Variants in MIDN observed in about 807,000 individuals in gnomAD.
MIDN encodes midbrain nucleolar protein.
MIDN carries 26 observed loss-of-function variants against 46.1 expected under a neutral mutation model. The observed-to-expected ratio is 0.56, with a 90% CI of 0.41 to 0.78. The LOEUF is 0.78. Among genes scored for constraint, MIDN ranks in the 30% least tolerant of loss-of-function variants. The probability of loss-of-function intolerance (pLI) is 0.00; values close to 1 mark genes in which losing one functional copy is unlikely to be tolerated. For missense variants in MIDN, 850 were observed against 771.8 expected (o/e 1.10, Z -1.20); for synonymous variants, 432 against 343.3 (o/e 1.26, Z -2.86).
chr19:1,251,678 A>C, intron 3 of MIDN, 29 bp downstream of exon 3: 1 of 1,589,892 alleles, frequency 6.3e-7, no homozygotes, highest in Non-Finnish European at 8.6e-7. Flanking sequence ...GCGTGCCCCC[A>C]GAGGCCCCCG....
chr19:1,258,393 T>C lies in MIDN; in HGVS notation c.*1121T>C, dbSNP rs1599996901. The C allele has an allele frequency of 6.6e-6, 1 of 152,458 alleles. No individual in the cohort carries two copies. The highest frequency in any genetic ancestry group is 1.5e-5 in the Non-Finnish European group (1 of 68,010). 9.4% of individuals were successfully genotyped at this position (152,458 alleles called of 1,614,324 possible). ...CCCCCGTGGCGGGGTCCGCTGCTGG[T>C]CTAATTTGGACCCCCTGCCTCTCAG... On this transcript the variant is annotated 3_prime_UTR_variant, in exon 9 of 9. Transcript: ENST00000682408.
chr19:1,250,282 C>T lies in MIDN; in HGVS notation c.-15C>T. On this transcript the variant is annotated 5_prime_UTR_variant, in exon 2 of 9. Transcript: ENST00000682408. ...GCGGCGCCCGCCGCCCCCAGCCCCC[C>T]AGCGCGCGCCGGGGATGGAGCCGCA... The T allele has an allele frequency of 2.1e-6, 2 of 965,642 alleles. No individual in the cohort carries two copies. Among genetic ancestry groups the T allele is most frequent in the Non-Finnish European group, 2.5e-6 (2 of 812,802 alleles). 59.8% of individuals were successfully genotyped at this position (965,642 alleles called of 1,614,324 possible). A position where few individuals can be genotyped will look rare whatever the true frequency, so the allele number is the denominator to read the frequency against.
At chr19:1,252,925 AGT>A (rs2081149917) in intron 4 of MIDN, among the ~76,000 whole-genome samples, 1 of 150,670 alleles carries the variant, frequency 6.6e-6, no homozygotes, top group South Asian at 2.1e-4. Context: ...TCCTGGGGCG[AGT>A]GTGAGCAGAG....
chr19:1,254,973 C>T lies in MIDN; in HGVS notation c.897C>T (p.Ala299=), dbSNP rs765596090. 9.9e-6 allele frequency: 16 copies of T among 1,612,938 alleles called. No homozygotes were observed. In the Admixed American group the frequency reaches 1.7e-4, roughly 17 times the overall value. ...CCAGCACCACGTCTACCCCAGGGGC[C>T]AGCCCTGCCCCCCGCTCCCGAAAAC... is the stretch of plus-strand genomic sequence containing the variant. ...PGASTTSTPG[A]SPAPRSRKPG... is the part of the protein sequence containing the mutation. The change falls in exon 7 of 9, where the codon GCC becomes GCT. Residue 299 remains alanine (A), a synonymous_variant. Coordinates refer to ENST00000682408, the MANE Select transcript of MIDN (RefSeq NM_001388306.1).
chr19:1,250,619 G>T (rs893525328), intron 2 of MIDN, 90 bp downstream of exon 2: 80 of 689,018 alleles, frequency 1.2e-4, no homozygotes, highest in Non-Finnish European at 1.4e-4. Flanking sequence ...AAGGCAGGGG[G>T]CGGCCAGACA....
In MIDN at chr19:1,255,028, C is replaced by T. The variant is rs560928353; in HGVS notation, c.952C>T (p.His318Tyr). The T allele has an allele frequency of 6.2e-7, 1 of 1,613,340 alleles. No homozygotes were observed. The highest frequency in any genetic ancestry group is 1.7e-5 in the Admixed American group (1 of 60,010). ...CGCCGTCATCGAGAGCTTTGTGAATCACGCCCCGGGGGTCTTCTCAGGGAC... is the reference window on the plus strand; with the variant it reads ...CGCCGTCATCGAGAGCTTTGTGAATTACGCCCCGGGGGTCTTCTCAGGGAC... The part of the protein sequence containing the change: ...PGAVIESFVN[H>Y]APGVFSGTFS... Residue 318 changes from histidine to tyrosine, a missense_variant, in exon 7 of 9, where the codon CAC becomes TAC. Physicochemically the swap from His to Tyr is moderately conservative, Grantham distance 83. Transcript: ENST00000682408.
rs1372371456 is a variant in MIDN at position 1,253,183 on chromosome 19, A to G, written c.385-771A>G. Among the ~76,000 whole-genome samples, 2 of 150,462 alleles carry G rather than the reference A, an allele frequency of 1.3e-5. 1 individual carries two copies. The highest frequency in any genetic ancestry group is 6.3e-3 in the Middle Eastern group (2 of 316). On this transcript the variant is annotated intron_variant, in intron 4 of 8. Transcript: ENST00000682408. ...GTGGGGACTCCAGCTGCTCTCGGGA[A>G]GCCACCCCGGGCCCTTCCTGCAAAG...
At chr19:1,255,729 G>A (rs774510970) in intron 8 of MIDN, 35 bp downstream of exon 8, 10 of 1,497,590 alleles carry the variant, frequency 6.7e-6, no homozygotes, top group Admixed American at 2.1e-5. Context: ...TACCTTCCCC[G>A]CCCGCCTGGG....
rs779945506 is a variant in MIDN, at chr19:1,250,460, G to A, written c.164G>A (p.Gly55Glu). Residue 55 changes from glycine to glutamate, a missense_variant, in exon 2 of 9, where the codon GGG becomes GAG. Physicochemically the swap from Gly to Glu is moderately conservative, Grantham distance 98. Coordinates refer to ENST00000682408, the MANE Select transcript of MIDN (RefSeq NM_001388306.1). ...LAVPPDETVEGLRKRLSQRLK... is the reference protein window; with the variant it reads ...LAVPPDETVEELRKRLSQRLK... Reference sequence around the variant, plus strand: ...GTGCCGCCCGACGAGACGGTGGAGGGGCTGCGCAAGCGGTTGTCCCAGCGC... The same window carrying A: ...GTGCCGCCCGACGAGACGGTGGAGGAGCTGCGCAAGCGGTTGTCCCAGCGC... The A allele has an allele frequency of 3.7e-5, 51 of 1,388,528 alleles. No homozygotes were observed. The highest frequency in any genetic ancestry group is 4.5e-5 in the Non-Finnish European group (47 of 1,048,944). The allele number at this position is 1,388,528 out of a possible 1,614,324, so 86.0% of individuals were successfully genotyped here.
chr19:1,254,044 G>A lies in MIDN; in HGVS notation c.475G>A (p.Gly159Arg), dbSNP rs1474483604. The change falls in exon 5 of 9, where the codon GGA becomes AGA. Residue 159 changes from glycine (G) to arginine (R), a missense_variant. Transcript: ENST00000682408. ...ILFKRPWHRQ[G>R]PQSPERGGER... The stretch of plus-strand genomic sequence containing the variant: ...ATTTAAGCGTCCGTGGCACCGACAG[G>A]GACCCCAGAGCCCAGAGAGGGGCGG... The A allele has an allele frequency of 6.9e-7, 1 of 1,440,670 alleles. No homozygotes were observed. Among genetic ancestry groups the A allele is most frequent in the Non-Finnish European group, 9.1e-7 (1 of 1,104,872 alleles). The allele number at this position is 1,440,670 out of a possible 1,614,324, so 89.2% of individuals were successfully genotyped here.
At chr19:1,249,861 C>T (rs1342696471) in intron 1 of MIDN, 29 bp from the exon 2 acceptor site, 2 of 151,772 alleles carry the variant, frequency 1.3e-5, no homozygotes, top group Non-Finnish European at 1.5e-5. Flanking sequence ...TACATTATAA[C>T]TTTTTTTTCT....
rs117245593 is a variant in MIDN, at chr19:1,252,866, G to A, written c.384+965G>A. Among the ~76,000 whole-genome samples, 944 of 152,134 alleles carry A rather than the reference G, an allele frequency of 6.2e-3. 36 individuals carry two copies. In the East Asian group the frequency reaches 0.087, roughly 14 times the overall value. On this transcript the variant is annotated intron_variant, in intron 4 of 8. Coordinates refer to ENST00000682408, the MANE Select transcript of MIDN (RefSeq NM_001388306.1). The stretch of plus-strand genomic sequence containing the variant: ...TGGCCACAGCAGCAGCAGCAGTGGC[G>A]TGGGGGCAGAGCCGGGGTCCCGAGC...
Position 1,255,714 on chromosome 19 carries a change from G to T in MIDN, c.1258+20G>T, listed in dbSNP as rs769808214. On this transcript the variant is annotated intron_variant, in intron 8 of 8. Transcript: ENST00000682408. ...CCCCGGGTGAGTGGCCACCCTCGGGGGTCCTACCTTCCCCGCCCGCCTGGG... is the reference window on the plus strand; with the variant it reads ...CCCCGGGTGAGTGGCCACCCTCGGGTGTCCTACCTTCCCCGCCCGCCTGGG... The T allele has an allele frequency of 1.4e-4, 212 of 1,536,680 alleles. No homozygotes were observed. Among genetic ancestry groups the T allele is most frequent in the Non-Finnish European group, 1.8e-4 (204 of 1,146,254 alleles).
At chr19:1,248,878 C>T (rs1009869373) in intron 1 of MIDN, among the ~76,000 whole-genome samples, 3 of 151,940 alleles carry the variant, frequency 2.0e-5, no homozygotes, top group Admixed American at 6.5e-5. Context: ...ACTCCCCCTT[C>T]ACCGCGGGTG....
chr19:1,253,889 T>A, intron 4 of MIDN, 65 bp from the exon 5 acceptor site: 3 of 1,331,604 alleles, frequency 2.3e-6, no homozygotes, highest in South Asian at 1.7e-5. Flanking sequence ...AGTTTCCCCT[T>A]GCAAGACCGA....
chr19:1,256,950 G>A (rs1599992313), intron 8 of MIDN, 45 bp from the exon 9 acceptor site: 1 of 1,599,690 alleles, frequency 6.3e-7, no homozygotes, highest in South Asian at 1.1e-5. Context: ...TCTGTGTTCA[G>A]CAGGTGGAGG....
intron 4 of MIDN, 37 bp downstream of exon 4, chr19:1,251,938 C>CT: frequency 1.3e-6 from 2 of 1,588,620 alleles, no homozygotes; most frequent in Non-Finnish European, 1.7e-6. Flanking sequence ...CAGGGCAGCC[C>CT]TGGGAGCAGG....
At chr19:1,251,113 GGGGA>G (rs1010763513) in intron 2 of MIDN, 1 of 157,064 alleles carries the variant, frequency 6.4e-6, no homozygotes, top group African/African-American at 2.4e-5. Flanking sequence ...CGCCTGCGCC[GGGGA>G]GGGAGGAGGA....
chr19:1,249,951 G>A lies in MIDN; in HGVS notation c.-346G>A, dbSNP rs2081103007. ...GGGGACGCGCGAGGAAGCGCGACCC[G>A]GGCGGCAGACGGCACCCAGCGCCAC... On this transcript the variant is annotated 5_prime_UTR_variant, in exon 2 of 9. Coordinates refer to ENST00000682408, the MANE Select transcript of MIDN (RefSeq NM_001388306.1). 1 of 151,794 alleles carries A rather than the reference G, an allele frequency of 6.6e-6. No individual in the cohort carries two copies. The highest frequency in any genetic ancestry group is 2.1e-4 in the South Asian group (1 of 4,826). The allele number at this position is 151,794 out of a possible 1,614,324, so 9.4% of individuals were successfully genotyped here.
Sources: gnomAD v4.1 joint callset for allele counts (sites outside exome capture counted in the v4.1 genomes callset) on GRCh38, gnomAD v4.1.1 for gene constraint, MANE v1.5 for transcripts, NCBI Gene and HGNC (gene_info 2026-07-23, HGNC 2026-07-21) for gene names.